The following KCNJ12 variants were observed in gnomAD, a reference collection of about 807,000 sequenced individuals.
KCNJ12 encodes potassium inwardly rectifying channel subfamily J member 12.
KCNJ12 carries 2 observed loss-of-function variants against 22.3 expected under a neutral mutation model. That is an observed-to-expected ratio of 0.09 (90% CI 0.04 to 0.28). The LOEUF is 0.28. KCNJ12 is among the 10% of genes least tolerant of loss of function. The probability of loss-of-function intolerance (pLI) is 1.00; values close to 1 mark genes in which losing one functional copy is unlikely to be tolerated. For missense variants in KCNJ12, 155 were observed against 633.3 expected, an observed-to-expected ratio of 0.24 and a Z score of 8.11; for synonymous variants, 117 against 261.4, an observed-to-expected ratio of 0.45 and a Z score of 5.33.
At chr17:21,393,414 G>A (rs1299545351) in intron 1 of KCNJ12, among the ~76,000 whole-genome samples, 2 of 152,116 alleles carry the variant, frequency 1.3e-5, no homozygotes, top group African/African-American at 4.8e-5. Context: ...CTGCCCCACT[G>A]CTAGAGCCTC....
intron 1 of KCNJ12, among the ~76,000 whole-genome samples, chr17:21,383,850 G>A (rs986710489): frequency 2.8e-4 from 43 of 152,188 alleles, no homozygotes; most frequent in African/African-American, 8.0e-4. Context: ...CAGTGGGTGG[G>A]GCAGGATGAA....
At chr17:21,399,216 C>T (rs1416766170) in intron 1 of KCNJ12, among the ~76,000 whole-genome samples, 2 of 152,238 alleles carry the variant, frequency 1.3e-5, no homozygotes, top group African/African-American at 4.8e-5. Flanking sequence ...GCGCCCTTCC[C>T]AGGATGCCTG....
intron 1 of KCNJ12, among the ~76,000 whole-genome samples, chr17:21,380,597 C>T (rs1904830885): frequency 6.6e-6 from 1 of 151,604 alleles, no homozygotes; most frequent in African/African-American, 2.4e-5. Context: ...TGGAGCGTGC[C>T]TCTGGGAGTT....
chr17:21,385,027 A>G (rs893790197), intron 1 of KCNJ12, among the ~76,000 whole-genome samples: 1 of 151,968 alleles, frequency 6.6e-6, no homozygotes, highest in Non-Finnish European at 1.5e-5. Flanking sequence ...CGCCCGCCTC[A>G]GCCTCCCAAA....
chr17:21,405,821 T>G (rs72846645), intron 1 of KCNJ12, among the ~76,000 whole-genome samples: 1 of 145,934 alleles, frequency 6.9e-6, no homozygotes, highest in Non-Finnish European at 1.5e-5. Flanking sequence ...CCAGGGCATG[T>G]GGAAGGCTGG....
Position 21,413,888 on chromosome 17 carries a change from C to A in KCNJ12, c.-56-1399C>A, listed in dbSNP as rs564411102. On this transcript the variant is annotated intron_variant, in intron 2 of 2. Transcript: ENST00000583088. ...AGGGTGGTGCTGGGAACAGGTGACACCCCTGAGCACTGCCCAGGTGCTAGG... is the reference window on the plus strand; with the variant it reads ...AGGGTGGTGCTGGGAACAGGTGACAACCCTGAGCACTGCCCAGGTGCTAGG... Among the ~76,000 whole-genome samples, 3 of 152,408 alleles carry A rather than the reference C, an allele frequency of 2.0e-5. No individual in the cohort carries two copies. In the East Asian group the frequency reaches 5.8e-4, roughly 29 times the overall value.
chr17:21,402,032 A>G (rs1448187368), intron 1 of KCNJ12, among the ~76,000 whole-genome samples: 1 of 152,260 alleles, frequency 6.6e-6, no homozygotes, highest in Non-Finnish European at 1.5e-5. Flanking sequence ...AGGTGCTCCC[A>G]TCTGCCCAGC....
intron 1 of KCNJ12, among the ~76,000 whole-genome samples, chr17:21,396,872 T>A (rs1905384456): frequency 6.6e-6 from 1 of 152,134 alleles, no homozygotes; most frequent in Non-Finnish European, 1.5e-5. Context: ...CCAGGGAGGC[T>A]TCCTGGATGC....
chr17:21,393,373 C>G (rs1392390362), intron 1 of KCNJ12, among the ~76,000 whole-genome samples: 1 of 152,118 alleles, frequency 6.6e-6, no homozygotes, highest in Non-Finnish European at 1.5e-5. Context: ...GTCCCTGAGG[C>G]TGGTTGCACC....
Position 21,406,916 on chromosome 17 carries a change from C to G in KCNJ12, c.-178-1603C>G, listed in dbSNP as rs1218275162. ...CCTCAGAGCCCCTTCCCACCAACCT[C>G]TTCTCTGATTCTCACGGCACACTGG... On this transcript the variant is annotated intron_variant, in intron 1 of 2. Coordinates refer to ENST00000583088, the MANE Select transcript of KCNJ12 (RefSeq NM_021012.5). Among the ~76,000 whole-genome samples, 9 of 152,408 alleles carry G rather than the reference C, an allele frequency of 5.9e-5. No homozygotes were observed. The South Asian group carries it at 1.7e-3, about 28-fold the overall frequency.
intron 1 of KCNJ12, among the ~76,000 whole-genome samples, chr17:21,391,061 G>T (rs1035339396): frequency 1.3e-5 from 2 of 152,156 alleles, no homozygotes; most frequent in South Asian, 2.1e-4. Flanking sequence ...GGCCCTGCAC[G>T]GGTAGCCTTC....
chr17:21,384,143 A>G (rs1904991024), intron 1 of KCNJ12, among the ~76,000 whole-genome samples: 1 of 152,074 alleles, frequency 6.6e-6, no homozygotes, highest in Admixed American at 6.5e-5. Context: ...CTTTTTTTAA[A>G]TTCGTATGGG....
At chr17:21,387,749 G>A (rs536575610) in intron 1 of KCNJ12, among the ~76,000 whole-genome samples, 30 of 152,272 alleles carry the variant, frequency 2.0e-4, no homozygotes, top group African/African-American at 6.7e-4. Flanking sequence ...TCACTGAAGC[G>A]CTCACTTTTA....
chr17:21,398,498 A>G (rs1004504028), intron 1 of KCNJ12, among the ~76,000 whole-genome samples: 4 of 152,132 alleles, frequency 2.6e-5, no homozygotes, highest in Admixed American at 6.5e-5. Context: ...CATCCCTCCA[A>G]TGGGCTTCCT....
At chr17:21,396,098 G>A (rs781884925) in intron 1 of KCNJ12, among the ~76,000 whole-genome samples, 5 of 152,156 alleles carry the variant, frequency 3.3e-5, no homozygotes, top group South Asian at 2.1e-4. Context: ...GCCCCCGGGC[G>A]CAGGCAGGGG....
At chr17:21,415,196 C>T (rs1458440443) in intron 2 of KCNJ12, 91 bp from the exon 3 acceptor site, 14 of 1,339,672 alleles carry the variant, frequency 1.0e-5, no homozygotes, top group East Asian at 5.0e-5. Flanking sequence ...AGGGTGGAAG[C>T]GTCCTCCAGT....
intron 1 of KCNJ12, among the ~76,000 whole-genome samples, chr17:21,395,568 CAAAAAAAAAAAAAA>C (rs10652801): frequency 6.9e-4 from 33 of 48,132 alleles, no homozygotes; most frequent in Admixed American, 2.7e-3. Context: ...GACTTCTTCT[CAAAAAAAAAAAAAA>C]AAAAAAAAAA....
chr17:21,408,240 G>A (rs1906099748), intron 1 of KCNJ12, among the ~76,000 whole-genome samples: 1 of 152,284 alleles, frequency 6.6e-6, no homozygotes, highest in Non-Finnish European at 1.5e-5. Context: ...TATGTAAAAT[G>A]CCTACTATAG....
intron 1 of KCNJ12, among the ~76,000 whole-genome samples, chr17:21,406,443 C>G (rs1429017793): frequency 6.6e-6 from 1 of 152,312 alleles, no homozygotes; most frequent in Non-Finnish European, 1.5e-5. Flanking sequence ...ACCTCTGTGT[C>G]CCCATCAGTT....
Sources: gnomAD v4.1 joint callset for allele counts (sites outside exome capture counted in the v4.1 genomes callset) on GRCh38, gnomAD v4.1.1 for gene constraint, MANE v1.5 for transcripts, NCBI Gene and HGNC (gene_info 2026-07-23, HGNC 2026-07-21) for gene names.